The following EPHA6 variants were observed in gnomAD, a reference collection of about 807,000 sequenced individuals.
The protein encoded by EPHA6 is EPH receptor A6.
EPHA6 carries 50 observed loss-of-function variants against 112.0 expected under a neutral mutation model. The observed-to-expected ratio is 0.45, with a 90% CI of 0.36 to 0.56. The LOEUF (loss-of-function observed/expected upper bound fraction) is 0.56, where lower values mean the gene tolerates loss of function less well. Among genes scored for constraint, EPHA6 ranks in the 20% least tolerant of loss-of-function variants. The probability of loss-of-function intolerance (pLI) is 0.00; values close to 1 mark genes in which losing one functional copy is unlikely to be tolerated. For synonymous variants in EPHA6, 529 were observed against 490.7 expected (o/e 1.08, Z -1.03); for missense variants, 1,280 against 1,417.4 (o/e 0.90, Z 1.56).
At chr3:97,364,285 T>C (rs2084580196) in intron 5 of EPHA6, among the ~76,000 whole-genome samples, 2 of 151,866 alleles carry the variant, frequency 1.3e-5, no homozygotes, top group Non-Finnish European at 2.9e-5. Context: ...TTTAAGGGGA[T>C]TTTATGCTAA....
At chr3:97,378,514 C>A (rs912762809) in intron 5 of EPHA6, among the ~76,000 whole-genome samples, 7 of 152,134 alleles carry the variant, frequency 4.6e-5, no homozygotes, top group Non-Finnish European at 8.8e-5. Context: ...GATCCACCTA[C>A]AGCTTGCACT....
chr3:97,206,848 A>T (rs142861756), intron 3 of EPHA6, among the ~76,000 whole-genome samples: 1 of 152,122 alleles, frequency 6.6e-6, no homozygotes, highest in Admixed American at 6.6e-5. Flanking sequence ...ATAATCAAAG[A>T]TGATTGTACT....
chr3:97,267,356 T>C (rs567219322), intron 5 of EPHA6, among the ~76,000 whole-genome samples: 1 of 152,122 alleles, frequency 6.6e-6, no homozygotes, highest in Admixed American at 6.6e-5. Context: ...AATAGAAAAC[T>C]ATAATCCAAT....
chr3:97,474,157 C>A (rs554377039), intron 7 of EPHA6, among the ~76,000 whole-genome samples: 2 of 151,756 alleles, frequency 1.3e-5, no homozygotes, highest in African/African-American at 4.8e-5. Flanking sequence ...TAATATACTG[C>A]ATACTCAATT....
intron 5 of EPHA6, among the ~76,000 whole-genome samples, chr3:97,345,994 AG>A (rs1219645466): frequency 6.6e-6 from 1 of 152,172 alleles, no homozygotes; most frequent in African/African-American, 2.4e-5. Flanking sequence ...TATTGATAAA[AG>A]TTTGTCCCTT....
At chr3:96,846,488 G>A (rs1394834973) in intron 1 of EPHA6, among the ~76,000 whole-genome samples, 1 of 151,980 alleles carries the variant, frequency 6.6e-6, no homozygotes, top group Non-Finnish European at 1.5e-5. Flanking sequence ...GAAAATCCAT[G>A]TGCTTGTGAA....
intron 5 of EPHA6, among the ~76,000 whole-genome samples, chr3:97,328,052 C>CATATATATATATATATATAT (rs1490094035): frequency 1.8e-5 from 1 of 56,998 alleles, no homozygotes; most frequent in Admixed American, 2.7e-4. Flanking sequence ...CACATATATA[C>CATATATATATATATATATAT]ACATATATAT....
At chr3:97,315,562 G>A (rs1018976201) in intron 5 of EPHA6, among the ~76,000 whole-genome samples, 3 of 151,614 alleles carry the variant, frequency 2.0e-5, no homozygotes, top group Non-Finnish European at 4.4e-5. Flanking sequence ...TTGAAATATA[G>A]GAGGCATGTT....
At chr3:97,382,603 C>A (rs1303597403) in intron 5 of EPHA6, among the ~76,000 whole-genome samples, 1 of 152,012 alleles carries the variant, frequency 6.6e-6, no homozygotes, top group African/African-American at 2.4e-5. Context: ...ATAACTAAAG[C>A]ATTTTTAACT....
chr3:97,073,693 G>C (rs761132760), intron 3 of EPHA6, among the ~76,000 whole-genome samples: 78 of 152,178 alleles, frequency 5.1e-4, no homozygotes, highest in Admixed American at 1.6e-3. Context: ...TAAAGCATAT[G>C]ATATAAATCG....
intron 7 of EPHA6, among the ~76,000 whole-genome samples, chr3:97,452,189 A>G (rs1375175546): frequency 6.6e-6 from 1 of 151,852 alleles, no homozygotes; most frequent in Non-Finnish European, 1.5e-5. Flanking sequence ...GTTCTTTTTC[A>G]ATATCAAAAT....
chr3:96,899,946 T>C (rs763361055), intron 2 of EPHA6, among the ~76,000 whole-genome samples: 9 of 152,284 alleles, frequency 5.9e-5, no homozygotes, highest in East Asian at 1.9e-4. Context: ...GATGAAAACA[T>C]GTAATGATTT....
intron 3 of EPHA6, among the ~76,000 whole-genome samples, chr3:97,167,704 A>G (rs2076575828): frequency 6.6e-6 from 1 of 152,098 alleles, no homozygotes; most frequent in Admixed American, 6.6e-5. Flanking sequence ...AGTGTTCATT[A>G]AGACACTTTG....
intron 3 of EPHA6, among the ~76,000 whole-genome samples, chr3:97,001,894 A>G (rs780243900): frequency 3.9e-5 from 6 of 152,086 alleles, no homozygotes; most frequent in Non-Finnish European, 5.9e-5. Context: ...GGACAGTATC[A>G]AAAGTGACTG....
chr3:97,718,659 C>T (rs1369135826), intron 14 of EPHA6, among the ~76,000 whole-genome samples: 1 of 152,096 alleles, frequency 6.6e-6, no homozygotes, highest in Non-Finnish European at 1.5e-5. Flanking sequence ...CCCTGCCCCC[C>T]AACACTCTTA....
In EPHA6 at chr3:96,893,891, T is replaced by C. The variant is rs192776515; in HGVS notation, c.450+27002T>C. ...TGTTCATTACATGATGGAAAAGTGA[T>C]GGTAAGTCTATGAATGCTGATGTGA... is the stretch of plus-strand genomic sequence containing the variant. On this transcript the variant is annotated intron_variant, in intron 2 of 17. Coordinates refer to ENST00000389672, the MANE Select transcript of EPHA6 (RefSeq NM_001080448.3). 4.2e-3 allele frequency among the ~76,000 whole-genome samples: 636 copies of C among 152,298 alleles called. 6 individuals carry two copies. The highest frequency in any genetic ancestry group is 0.014 in the African/African-American group (595 of 41,554).
intron 2 of EPHA6, among the ~76,000 whole-genome samples, chr3:96,877,920 T>C (rs2037071662): frequency 7.8e-6 from 1 of 127,716 alleles, no homozygotes; most frequent in Non-Finnish European, 1.5e-5. Context: ...TGTGTATATA[T>C]ATATATATAT....
At chr3:97,291,481 A>G (rs1406636732) in intron 5 of EPHA6, among the ~76,000 whole-genome samples, 1 of 152,194 alleles carries the variant, frequency 6.6e-6, no homozygotes, top group Non-Finnish European at 1.5e-5. Context: ...ATTGGAGCCA[A>G]CTTGATATTT....
chr3:97,681,881 T>C (rs1475182199), intron 14 of EPHA6, among the ~76,000 whole-genome samples: 1 of 152,116 alleles, frequency 6.6e-6, no homozygotes, highest in Non-Finnish European at 1.5e-5. Flanking sequence ...TAACATGTTT[T>C]ACTCTACTTA....
Sources: allele counts gnomAD v4.1 joint callset (sites outside exome capture counted in the v4.1 genomes callset), GRCh38; gene constraint gnomAD v4.1.1; transcripts MANE v1.5; gene names NCBI Gene and HGNC (gene_info 2026-07-23, HGNC 2026-07-21).